The following KANTR variants were observed in gnomAD, a reference collection of about 807,000 sequenced individuals.
KANTR encodes the protein KDM5C adjacent transcript.
intron 2 of KANTR, among the ~76,000 whole-genome samples, chrX:53,105,839 A>G (rs192338153): frequency 5.3e-5 from 5 of 94,147 alleles, no homozygotes; most frequent in African/African-American, 2.0e-4. Flanking sequence ...CCTTTGTCAG[A>G]TAATATGTTT....
intron 1 of KANTR, among the ~76,000 whole-genome samples, chrX:53,095,850 T>C (rs1283983490): frequency 9.0e-6 from 1 of 111,053 alleles, no homozygotes; most frequent in Non-Finnish European, 1.9e-5. Flanking sequence ...AAAATCAGTA[T>C]ATATTAATAT....
intron 2 of KANTR, among the ~76,000 whole-genome samples, chrX:53,141,346 A>C (rs1933499263): frequency 9.0e-6 from 1 of 110,987 alleles, no homozygotes; most frequent in Non-Finnish European, 1.9e-5. Context: ...CATTCGACTT[A>C]ACCTGATTTT....
chrX:53,114,097 C>T (rs1406138945), intron 2 of KANTR, among the ~76,000 whole-genome samples: 2 of 110,891 alleles, frequency 1.8e-5, no homozygotes, highest in Non-Finnish European at 3.8e-5. Context: ...GACGGGGTTT[C>T]GCCATGTTGC....
intron 2 of KANTR, among the ~76,000 whole-genome samples, chrX:53,136,731 T>TATATATATATATATATATATATATATATA (rs1491428007): frequency 8.0e-5 from 4 of 50,034 alleles, no homozygotes; most frequent in Non-Finnish European, 1.2e-4. Flanking sequence ...TATATATATA[T>TATATATATATATATATATATATATATATA]TTTGTTTGTT....
chrX:53,097,780 G>A (rs1224453489), intron 1 of KANTR, among the ~76,000 whole-genome samples: 2 of 108,360 alleles, frequency 1.8e-5, no homozygotes, highest in South Asian at 4.1e-4. Context: ...ACTGGGCGCA[G>A]TGGCTCACGC....
chrX:53,102,982 TTG>T lies in KANTR; in HGVS notation c.-805+3376_-805+3377del, dbSNP rs1327415916. The stretch of plus-strand genomic sequence containing the variant: ...TCCAATAGTCTGACCCTTGTTTTGT[TTG>T]TTTTTTTTTTTTTTTTTTGAGATGG... On this transcript the variant is annotated intron_variant, in intron 2 of 2. Coordinates refer to ENST00000604062, the Ensembl canonical transcript of KANTR. Among the ~76,000 whole-genome samples the T allele has an allele frequency of 1.2e-3, 82 of 69,842 alleles. 1 individual carries two copies. Among genetic ancestry groups the T allele is most frequent in the Non-Finnish European group, 1.5e-3 (52 of 35,413 alleles). The allele number at this position is 69,842 out of a possible 115,157, so 60.6% of individuals were successfully genotyped here.
chrX:53,112,634 T>G (rs1351872574), intron 2 of KANTR, among the ~76,000 whole-genome samples: 1 of 110,876 alleles, frequency 9.0e-6, no homozygotes, highest in Non-Finnish European at 1.9e-5. Context: ...GTTATTTGCT[T>G]CTTTTCTCTT....
intron 2 of KANTR, among the ~76,000 whole-genome samples, chrX:53,122,029 G>T (rs1255400619): frequency 2.7e-5 from 3 of 112,298 alleles, no homozygotes; most frequent in African/African-American, 9.7e-5. Flanking sequence ...AAATTCTTCT[G>T]TAAAGATTTG....
intron 2 of KANTR, among the ~76,000 whole-genome samples, chrX:53,111,109 C>CTTA (rs1246394109): frequency 9.2e-6 from 1 of 108,611 alleles, no homozygotes; most frequent in African/African-American, 3.3e-5. Context: ...ACCTCCTGGG[C>CTTA]TTAAGCAGTC....
downstream of KANTR, among the ~76,000 whole-genome samples, chrX:53,130,090 C>T (rs782162085): frequency 2.3e-4 from 26 of 111,126 alleles, no homozygotes; most frequent in Admixed American, 2.0e-3. Flanking sequence ...TGGTCTCAAG[C>T]TCCGGGCCTG....
At chrX:53,097,997 G>A (rs1415540178) in intron 1 of KANTR, among the ~76,000 whole-genome samples, 1 of 99,486 alleles carries the variant, frequency 1.0e-5, no homozygotes, top group African/African-American at 3.8e-5. Flanking sequence ...GTTGCAGTGA[G>A]CTGAGATCAT....
chrX:53,128,405 G>A (rs1225033603), downstream of KANTR, among the ~76,000 whole-genome samples: 4 of 111,218 alleles, frequency 3.6e-5, no homozygotes, highest in African/African-American at 9.8e-5. Context: ...CCAGCTCAGG[G>A]GACCAAGGAA....
downstream of KANTR, among the ~76,000 whole-genome samples, chrX:53,145,556 A>G (rs1933563015): frequency 8.9e-6 from 1 of 112,137 alleles, no homozygotes; most frequent in Admixed American, 9.4e-5. Context: ...CTGTCTCTGT[A>G]GACTCCACCT....
At chrX:53,107,877 T>C (rs1479039426) in intron 2 of KANTR, among the ~76,000 whole-genome samples, 4 of 109,324 alleles carry the variant, frequency 3.7e-5, no homozygotes, top group Non-Finnish European at 7.6e-5. Context: ...CCACTGCACC[T>C]AGCTGGACTT....
chrX:53,115,341 G>A (rs1569236834), intron 2 of KANTR, among the ~76,000 whole-genome samples: 1 of 112,329 alleles, frequency 8.9e-6, no homozygotes, highest in Admixed American at 9.3e-5. Flanking sequence ...AATGACTAGT[G>A]CTGTGGAGGC....
downstream of KANTR, chrX:53,127,573 G>A (rs1490028374): frequency 8.9e-6 from 1 of 111,980 alleles, no homozygotes; most frequent in Admixed American, 9.5e-5. Context: ...TGGGGGCTGT[G>A]AAGAAGCAGT....
chrX:53,123,406 C>A (rs1421806716), intron 2 of KANTR, 63 bp from the exon 3 acceptor site: 1 of 111,825 alleles, frequency 8.9e-6, no homozygotes, highest in African/African-American at 3.3e-5. Context: ...GAGTAGATTT[C>A]AAATCCAGTT....
chrX:53,136,731 T>TATATATATATATATATATATATATATA (rs1491428007), intron 2 of KANTR, among the ~76,000 whole-genome samples: 7 of 50,036 alleles, frequency 1.4e-4, no homozygotes, highest in East Asian at 7.9e-4. Flanking sequence ...TATATATATA[T>TATATATATATATATATATATATATATA]TTTGTTTGTT....
chrX:53,127,905 C>CA (rs1556816388), downstream of KANTR, among the ~76,000 whole-genome samples: 1 of 111,371 alleles, frequency 9.0e-6, no homozygotes, highest in Non-Finnish European at 1.9e-5. Flanking sequence ...AGGGGGGCTG[C>CA]AGGGGATAGC....
Sources: gnomAD v4.1 joint callset for allele counts (sites outside exome capture counted in the v4.1 genomes callset) on GRCh38, gnomAD v4.1.1 for gene constraint, MANE v1.5 for transcripts, NCBI Gene and HGNC (gene_info 2026-07-23, HGNC 2026-07-21) for gene names.